Variants in THSD7A observed in about 807,000 individuals in gnomAD.
THSD7A encodes the protein thrombospondin type 1 domain containing 7A, also known as thrombospondin type-1 domain-containing protein 7A.
THSD7A carries 96 observed loss-of-function variants against 231.3 expected under a neutral mutation model. The ratio of observed to expected loss-of-function variants is 0.41; its 90% CI spans 0.35 to 0.49. The LOEUF (loss-of-function observed/expected upper bound fraction) is 0.49. THSD7A is among the 20% of genes least tolerant of loss of function. The pLI, the probability that THSD7A is intolerant of heterozygous loss-of-function variation, is 0.05. For synonymous variants in THSD7A, 940 were observed against 743.3 expected (o/e 1.26, Z -4.30); for missense variants, 2,290 against 2,070.2 (o/e 1.11, Z -2.06).
chr7:11,625,681 G>C (rs1781453872), intron 2 of THSD7A, among the ~76,000 whole-genome samples: 1 of 144,662 alleles, frequency 6.9e-6, no homozygotes, highest in Non-Finnish European at 1.5e-5. Flanking sequence ...CTCTAAAAGA[G>C]TGAGCATATT....
intron 1 of THSD7A, among the ~76,000 whole-genome samples, chr7:11,763,277 T>C (rs1782924519): frequency 6.6e-6 from 1 of 152,196 alleles, no homozygotes; most frequent in African/African-American, 2.4e-5. Flanking sequence ...CCTTCTGTCA[T>C]CTCTGTCCTC....
chr7:11,630,361 T>G (rs1181423100), intron 2 of THSD7A, among the ~76,000 whole-genome samples: 2 of 152,204 alleles, frequency 1.3e-5, no homozygotes, highest in African/African-American at 4.8e-5. Flanking sequence ...TATTCATTAC[T>G]CTCTGAAATG....
At chr7:11,495,514 T>C (rs184605978) in intron 6 of THSD7A, among the ~76,000 whole-genome samples, 1 of 152,170 alleles carries the variant, frequency 6.6e-6, no homozygotes, top group Non-Finnish European at 1.5e-5. Context: ...AATTCTGTAG[T>C]AGTTGGTGAA....
At chr7:11,674,315 A>G (rs930422656) in intron 1 of THSD7A, among the ~76,000 whole-genome samples, 4 of 152,084 alleles carry the variant, frequency 2.6e-5, no homozygotes, top group African/African-American at 9.7e-5. Flanking sequence ...TAGTTGGGGT[A>G]AGTAAGCTGC....
chr7:11,749,646 T>C (rs1420220801), intron 1 of THSD7A, among the ~76,000 whole-genome samples: 1 of 151,984 alleles, frequency 6.6e-6, no homozygotes, highest in Non-Finnish European at 1.5e-5. Flanking sequence ...GAGTGGAAAC[T>C]TGAGAAGATA....
At chr7:11,788,869 A>T (rs1783868089) in intron 1 of THSD7A, among the ~76,000 whole-genome samples, 1 of 152,048 alleles carries the variant, frequency 6.6e-6, no homozygotes, top group Non-Finnish European at 1.5e-5. Context: ...ACTCAGTACC[A>T]GAAAGGAATA....
In THSD7A at chr7:11,406,325, C is replaced by T. The variant is rs1225731607; in HGVS notation, c.4212G>A (p.Glu1404=). The stretch of plus-strand genomic sequence containing the variant: ...CTGGGCAAGGCTGGCTGCAGGATTC[C>T]TCCAGAACCATATTTTTATTACCAT... ...IIDGNKNMVL[E]ESCSQPCPGD... The change falls in exon 22 of 28, where the codon GAG becomes GAA. Residue 1404 remains glutamate (E), a synonymous_variant. Transcript: ENST00000423059. This position sits in a 1 kb window ranked among gnomAD's most constrained non-coding sequence, Gnocchi z 4.7. 2.5e-6 allele frequency: 4 copies of T among 1,612,608 alleles called. No individual in the cohort carries two copies. The highest frequency in any genetic ancestry group is 2.2e-5 in the East Asian group (1 of 44,868).
chr7:11,680,077 C>CAA (rs1271480415), intron 1 of THSD7A, among the ~76,000 whole-genome samples: 63 of 119,450 alleles, frequency 5.3e-4, no homozygotes, highest in African/African-American at 1.8e-3. Flanking sequence ...ACAAAACTGA[C>CAA]AAAAAAAAAA....
At chr7:11,748,081 C>A (rs1371537612) in intron 1 of THSD7A, among the ~76,000 whole-genome samples, 1 of 151,834 alleles carries the variant, frequency 6.6e-6, no homozygotes, top group East Asian at 1.9e-4. Flanking sequence ...TATAATATTT[C>A]TTGTATTTTT....
intron 6 of THSD7A, among the ~76,000 whole-genome samples, chr7:11,521,674 C>A (rs1482404393): frequency 7.9e-6 from 1 of 125,912 alleles, no homozygotes; most frequent in Admixed American, 7.7e-5. Flanking sequence ...AGGTATATCT[C>A]CCAATGCTAT....
intron 1 of THSD7A, among the ~76,000 whole-genome samples, chr7:11,756,072 C>T (rs1202483205): frequency 6.6e-6 from 1 of 152,030 alleles, no homozygotes; most frequent in Non-Finnish European, 1.5e-5. Context: ...ATTGCATCTG[C>T]TTTTAAATGT....
At chr7:11,378,815 T>A (rs1782384922) in intron 26 of THSD7A, 2 of 415,328 alleles carry the variant, frequency 4.8e-6, no homozygotes, top group Non-Finnish European at 8.6e-6. Flanking sequence ...ATTTTTGGAC[T>A]GGAATTGAAT....
At chr7:11,766,484 TTAAAC>T (rs1460733467) in intron 1 of THSD7A, among the ~76,000 whole-genome samples, 1 of 148,850 alleles carries the variant, frequency 6.7e-6, no homozygotes, top group African/African-American at 2.6e-5. Flanking sequence ...CATCTATCAC[TTAAAC>T]TAAAGATGAC....
At chr7:11,397,052 G>A (rs1783213863) in intron 23 of THSD7A, among the ~76,000 whole-genome samples, 2 of 152,300 alleles carry the variant, frequency 1.3e-5, no homozygotes, top group Non-Finnish European at 2.9e-5. Flanking sequence ...CTCAATAGAT[G>A]CAGAAGAGGC....
In THSD7A at chr7:11,668,096, G is replaced by A. The variant is rs546558340; in HGVS notation, c.191-31135C>T. 2.0e-5 allele frequency among the ~76,000 whole-genome samples: 3 copies of A among 151,796 alleles called. No homozygotes were observed. The South Asian group carries it at 6.2e-4, about 32-fold the overall frequency. ...GTACCTGTCTTTTAAGCCTAGTGGAGTGCTCTTTTTACTCTGGATGTGAAA... is the reference window on the plus strand; with the variant it reads ...GTACCTGTCTTTTAAGCCTAGTGGAATGCTCTTTTTACTCTGGATGTGAAA... On this transcript the variant is annotated intron_variant, in intron 1 of 27. Coordinates refer to ENST00000423059, the MANE Select transcript of THSD7A (RefSeq NM_015204.3).
intron 1 of THSD7A, among the ~76,000 whole-genome samples, chr7:11,747,465 C>T (rs16877182): frequency 0.048 from 7,286 of 151,946 alleles, 195 homozygotes; most frequent in East Asian, 0.14. Context: ...AAAGTTGGTA[C>T]TAATTATACT....
In THSD7A at chr7:11,554,200, C is replaced by A. The variant is rs187798667; in HGVS notation, c.1454-11083G>T. ...AATATATCCTTATTCAGAAATAAGG[C>A]CTTTGCAAACGTAATTAGTTGATGA... On this transcript the variant is annotated intron_variant, in intron 4 of 27. Transcript: ENST00000423059. Among the ~76,000 whole-genome samples, 198 of 152,040 alleles carry A rather than the reference C, an allele frequency of 1.3e-3. 3 individuals carry two copies. The highest frequency in any genetic ancestry group is 0.013 in the Admixed American group (192 of 15,224).
intron 1 of THSD7A, among the ~76,000 whole-genome samples, chr7:11,790,810 A>G (rs1356976748): frequency 6.6e-6 from 1 of 152,022 alleles, no homozygotes; most frequent in East Asian, 1.9e-4. Context: ...GACAATTCTG[A>G]TAAGATAGTG....
At chr7:11,506,304 A>G (rs1235489205) in intron 6 of THSD7A, among the ~76,000 whole-genome samples, 1 of 152,136 alleles carries the variant, frequency 6.6e-6, no homozygotes, top group East Asian at 1.9e-4. Flanking sequence ...TTTGATTTTT[A>G]AAGTTTTTCT....
Sources: allele counts gnomAD v4.1 joint callset (sites outside exome capture counted in the v4.1 genomes callset), GRCh38; gene constraint gnomAD v4.1.1; non-coding constraint Gnocchi (gnomAD v3.1); transcripts MANE v1.5; gene names NCBI Gene and HGNC (gene_info 2026-07-23, HGNC 2026-07-21).